The following KLF12 variants were observed in gnomAD, a reference collection of about 807,000 sequenced individuals.
The protein encoded by KLF12 is KLF transcription factor 12.
A neutral mutation model predicts 37.8 loss-of-function variants in KLF12; 9 were observed. The observed-to-expected ratio is 0.24, with a 90% confidence interval of 0.14 to 0.42. The LOEUF (loss-of-function observed/expected upper bound fraction) is 0.42, where lower values mean the gene tolerates loss of function less well. KLF12 is among the 10% of genes least tolerant of loss of function. The pLI, the probability that KLF12 is intolerant of heterozygous loss-of-function variation, is 1.00. For missense variants in KLF12, 411 were observed against 516.0 expected (o/e 0.80, Z 1.97); for synonymous variants, 208 against 202.1 (o/e 1.03, Z -0.25).
intron 5 of KLF12, among the ~76,000 whole-genome samples, chr13:73,777,378 G>A (rs1037596787): frequency 5.9e-5 from 9 of 152,094 alleles, no homozygotes; most frequent in Admixed American, 5.9e-4. Flanking sequence ...GGAAGATTTC[G>A]CTTCAGATGA....
At chr13:74,074,166 G>GT (rs1426248775) in intron 1 of KLF12, among the ~76,000 whole-genome samples, 1 of 152,198 alleles carries the variant, frequency 6.6e-6, no homozygotes, top group Non-Finnish European at 1.5e-5. Flanking sequence ...GAGAGTGTGT[G>GT]TGTGTGTACG....
chr13:73,878,403 G>C (rs1886817979), intron 3 of KLF12, among the ~76,000 whole-genome samples: 1 of 152,082 alleles, frequency 6.6e-6, no homozygotes, highest in Admixed American at 6.5e-5. Flanking sequence ...TTTCTCATTT[G>C]AATGTGGCAT....
upstream of KLF12, among the ~76,000 whole-genome samples, chr13:74,135,205 C>T (rs1278519409): frequency 6.6e-6 from 1 of 151,982 alleles, no homozygotes; most frequent in East Asian, 1.9e-4. Context: ...GAGATGCGCG[C>T]CTGGCCTCGC....
chr13:73,938,371 T>G (rs190634722), intron 3 of KLF12, among the ~76,000 whole-genome samples: 1 of 152,184 alleles, frequency 6.6e-6, no homozygotes, highest in Non-Finnish European at 1.5e-5. Context: ...AAACATTCCA[T>G]AGCACATTTC....
At chr13:73,916,529 T>C (rs1566457621) in intron 3 of KLF12, among the ~76,000 whole-genome samples, 1 of 152,182 alleles carries the variant, frequency 6.6e-6, no homozygotes, top group Non-Finnish European at 1.5e-5. Context: ...TGTCATTATG[T>C]TGAATGTAGC....
chr13:74,234,807 T>C, the KLF12 span, among the ~76,000 whole-genome samples: 5 of 152,156 alleles, frequency 3.3e-5, no homozygotes, highest in Non-Finnish European at 7.4e-5. Context: ...AAGACCATTA[T>C]ATGTATCGAT....
intron 1 of KLF12, among the ~76,000 whole-genome samples, chr13:74,132,542 T>C (rs1253562329): frequency 3.3e-5 from 5 of 152,232 alleles, no homozygotes; most frequent in Admixed American, 6.5e-5. Flanking sequence ...AACGACACTT[T>C]AGCCATCTAT....
chr13:73,806,661 A>G (rs1003474011), intron 5 of KLF12, among the ~76,000 whole-genome samples: 2 of 151,844 alleles, frequency 1.3e-5, no homozygotes, highest in Admixed American at 6.6e-5. Context: ...AAAAAAAAAA[A>G]AAAGAAAGAA....
chr13:74,108,718 T>C (rs1036991980), intron 1 of KLF12, among the ~76,000 whole-genome samples: 1 of 152,158 alleles, frequency 6.6e-6, no homozygotes, highest in Non-Finnish European at 1.5e-5. Flanking sequence ...GAAAAGTTAT[T>C]TAAAAAATCG....
intron 6 of KLF12, among the ~76,000 whole-genome samples, chr13:73,729,323 T>C (rs1179749886): frequency 1.3e-5 from 2 of 152,246 alleles, no homozygotes; most frequent in Admixed American, 6.5e-5. Context: ...GGTATTTCTG[T>C]TCAAATCTCA....
chr13:74,190,025 G>T, the KLF12 span, among the ~76,000 whole-genome samples: 3 of 151,552 alleles, frequency 2.0e-5, no homozygotes, highest in African/African-American at 4.9e-5. Flanking sequence ...CTAATATTTT[G>T]CTATTGCAAA....
chr13:73,843,588 T>A (rs1884860702), intron 4 of KLF12, among the ~76,000 whole-genome samples: 1 of 152,208 alleles, frequency 6.6e-6, no homozygotes, highest in Non-Finnish European at 1.5e-5. Context: ...ATTACAGGCA[T>A]GAGTCATCAC....
At chr13:73,891,149 T>C (rs1385395090) in intron 3 of KLF12, among the ~76,000 whole-genome samples, 2 of 152,140 alleles carry the variant, frequency 1.3e-5, no homozygotes, top group African/African-American at 4.8e-5. Flanking sequence ...GAAAATATTG[T>C]TCTGGAACAG....
intron 5 of KLF12, among the ~76,000 whole-genome samples, chr13:73,797,495 T>G (rs1368706872): frequency 6.6e-6 from 1 of 152,076 alleles, no homozygotes; most frequent in East Asian, 1.9e-4. Flanking sequence ...GGAGGCCGGG[T>G]GCAGTGGCTC....
chr13:73,720,793 C>G (rs1876181824), intron 6 of KLF12, among the ~76,000 whole-genome samples: 2 of 152,158 alleles, frequency 1.3e-5, no homozygotes, highest in African/African-American at 4.8e-5. Flanking sequence ...TTAGGGATAA[C>G]TGTAATCAGC....
the KLF12 span, among the ~76,000 whole-genome samples, chr13:74,186,542 G>C: frequency 1.1e-4 from 17 of 151,740 alleles, no homozygotes; most frequent in African/African-American, 4.1e-4. Flanking sequence ...GAGACCAAAA[G>C]TATCCTAAGG....
chr13:73,978,868 T>C (rs920113401), intron 2 of KLF12, among the ~76,000 whole-genome samples: 8 of 152,158 alleles, frequency 5.3e-5, no homozygotes, highest in African/African-American at 1.9e-4. Flanking sequence ...TGAAAAGACA[T>C]GAAGGAAACT....
At position 73,868,835 on chromosome 13, in the gene KLF12, G is replaced by A. The variant is rs564064157; in HGVS notation, c.124-22462C>T. ...CCAAATCTGACACAAACTCTTCCAC[G>A]GAACAAAAAAAGAAGAAACACATAG... is the stretch of plus-strand genomic sequence containing the variant. On this transcript the variant is annotated intron_variant, in intron 3 of 7. Transcript: ENST00000377669. Among the ~76,000 whole-genome samples the A allele has an allele frequency of 9.9e-5, 15 of 151,994 alleles. No homozygotes were observed. In the South Asian group the frequency reaches 2.5e-3, roughly 25 times the overall value.
intron 3 of KLF12, among the ~76,000 whole-genome samples, chr13:73,919,795 A>C (rs898276563): frequency 3.9e-5 from 6 of 152,218 alleles, no homozygotes. Context: ...TTCATTCCTC[A>C]TGTGAGGTGT....
Sources: allele counts gnomAD v4.1 joint callset (sites outside exome capture counted in the v4.1 genomes callset), GRCh38; gene constraint gnomAD v4.1.1; transcripts MANE v1.5; gene names NCBI Gene and HGNC (gene_info 2026-07-23, HGNC 2026-07-21).